ASIC2: variants seen among roughly 807,000 people sequenced by gnomAD.
The protein encoded by ASIC2 is acid-sensing ion channel 2.
A neutral mutation model predicts 57.3 loss-of-function variants in ASIC2; 25 were observed. The observed-to-expected ratio is 0.44, with a 90% CI of 0.32 to 0.61. The LOEUF is 0.61. Ranked by LOEUF, ASIC2 falls within the 20% of genes least tolerant of loss-of-function variation. The pLI, the probability that ASIC2 is intolerant of heterozygous loss-of-function variation, is 0.06. For missense variants in ASIC2, 641 were observed against 738.1 expected (o/e 0.87, Z 1.52); for synonymous variants, 319 against 307.5 (o/e 1.04, Z -0.39).
chr17:34,127,132 C>T (rs927935570), intron 1 of ASIC2, among the ~76,000 whole-genome samples: 4 of 152,186 alleles, frequency 2.6e-5, no homozygotes, highest in African/African-American at 9.7e-5. Flanking sequence ...CTCAAATCAG[C>T]TTCAGTAAGA....
chr17:33,772,801 C>G (rs189959583), intron 1 of ASIC2, among the ~76,000 whole-genome samples: 1 of 152,170 alleles, frequency 6.6e-6, no homozygotes, highest in African/African-American at 2.4e-5. Flanking sequence ...ATCAGTGAGG[C>G]GGAGACTCAA....
At chr17:33,835,536 C>A (rs1054680115) in intron 1 of ASIC2, among the ~76,000 whole-genome samples, 5 of 152,198 alleles carry the variant, frequency 3.3e-5, no homozygotes, top group African/African-American at 1.2e-4. Flanking sequence ...CAATACCACT[C>A]TGACTTGTTC....
intron 1 of ASIC2, among the ~76,000 whole-genome samples, chr17:33,385,650 G>T (rs1019861352): frequency 9.2e-5 from 14 of 152,220 alleles, no homozygotes; most frequent in Non-Finnish European, 2.9e-5. Flanking sequence ...TTACTTTTCT[G>T]ATGAGGCCTG....
At chr17:33,269,630 C>CCTTCCTTCCTTG (rs1904372609) in intron 1 of ASIC2, among the ~76,000 whole-genome samples, 1 of 56,030 alleles carries the variant, frequency 1.8e-5, no homozygotes, top group African/African-American at 6.1e-5. Context: ...TTCCTTCCTT[C>CCTTCCTTCCTTG]CTTCCTTCCT....
intron 7 of ASIC2, 128 bp downstream of exon 7, chr17:33,021,091 A>C (rs1354894491): frequency 1.6e-6 from 1 of 634,128 alleles, no homozygotes; most frequent in African/African-American, 1.9e-5. Flanking sequence ...AGTAATTATT[A>C]GTAAATCAAA....
intron 1 of ASIC2, among the ~76,000 whole-genome samples, chr17:33,863,065 C>T (rs755082639): frequency 3.9e-5 from 6 of 152,242 alleles, no homozygotes; most frequent in Non-Finnish European, 7.3e-5. Flanking sequence ...GCAAGTGGCA[C>T]CTGAACAGCC....
chr17:33,548,860 G>A (rs1196126998), intron 1 of ASIC2, among the ~76,000 whole-genome samples: 2 of 151,794 alleles, frequency 1.3e-5, no homozygotes, highest in African/African-American at 4.8e-5. Flanking sequence ...CTTCATATGG[G>A]ACTTCTTCCC....
chr17:33,529,712 A>T (rs535851202), intron 1 of ASIC2: 76 of 152,356 alleles, frequency 5.0e-4, no homozygotes, highest in African/African-American at 1.3e-3. Context: ...AAAGCATTTA[A>T]CACAGTGCTT....
intron 1 of ASIC2, among the ~76,000 whole-genome samples, chr17:33,863,054 C>T (rs955287323): frequency 5.3e-5 from 8 of 152,362 alleles, no homozygotes; most frequent in East Asian, 3.9e-4. Flanking sequence ...TGTTCAGGAG[C>T]GCAAGTGGCA....
At chr17:33,632,807 CAAT>C (rs1464514857) in intron 1 of ASIC2, among the ~76,000 whole-genome samples, 9 of 152,196 alleles carry the variant, frequency 5.9e-5, no homozygotes, top group African/African-American at 2.2e-4. Context: ...CTTACAACAA[CAAT>C]GCCAGCAATA....
intron 1 of ASIC2, among the ~76,000 whole-genome samples, chr17:33,560,199 C>T (rs1333945740): frequency 6.6e-6 from 1 of 152,226 alleles, no homozygotes. Flanking sequence ...AGGCAATCAT[C>T]AATTTGCTAA....
intron 3 of ASIC2, among the ~76,000 whole-genome samples, chr17:33,055,123 G>C (rs1401426906): frequency 6.6e-6 from 1 of 152,172 alleles, no homozygotes; most frequent in Non-Finnish European, 1.5e-5. Flanking sequence ...GTATCTAATG[G>C]AGTTACATTC....
At chr17:33,575,553 G>T (rs202179768) in intron 1 of ASIC2, among the ~76,000 whole-genome samples, 1 of 152,204 alleles carries the variant, frequency 6.6e-6, no homozygotes, top group Non-Finnish European at 1.5e-5. Context: ...GTGGTGCTTT[G>T]AAGAGTTACT....
At chr17:33,318,851 G>A (rs761177185) in intron 1 of ASIC2, among the ~76,000 whole-genome samples, 2 of 152,170 alleles carry the variant, frequency 1.3e-5, no homozygotes, top group African/African-American at 4.8e-5. Context: ...GGAAAAAGCT[G>A]TTCCTTTTCT....
Position 34,126,511 on chromosome 17 carries a change from G to C in ASIC2, c.555+29467C>G, listed in dbSNP as rs180834547. Among the ~76,000 whole-genome samples the C allele has an allele frequency of 4.0e-3, 607 of 152,294 alleles. 4 individuals are homozygous for C. Among genetic ancestry groups the C allele is most frequent in the African/African-American group, 0.014 (563 of 41,556 alleles). On this transcript the variant is annotated intron_variant, in intron 1 of 9. Coordinates refer to the ASIC2 transcript ENST00000359872. ...TGAACATGCCAAGGACCTCAGTCCT[G>C]TACGGCAACATCAGGGAGAACACTG... is the stretch of plus-strand genomic sequence containing the variant.
At chr17:34,058,235 T>C (rs1452216115) in intron 1 of ASIC2, among the ~76,000 whole-genome samples, 2 of 152,224 alleles carry the variant, frequency 1.3e-5, no homozygotes, top group African/African-American at 4.8e-5. Context: ...AGGCTGCCTA[T>C]GTAAGATGCA....
At chr17:33,317,475 T>C (rs1906702427) in intron 1 of ASIC2, among the ~76,000 whole-genome samples, 1 of 152,226 alleles carries the variant, frequency 6.6e-6, no homozygotes, top group South Asian at 2.1e-4. Flanking sequence ...GTTTTTCACT[T>C]TGTATTTTCA....
chr17:34,093,842 G>A (rs1368997023), intron 1 of ASIC2, among the ~76,000 whole-genome samples: 1 of 152,146 alleles, frequency 6.6e-6, no homozygotes, highest in Non-Finnish European at 1.5e-5. Context: ...CACATAGGAT[G>A]AACCCTAGGG....
intron 3 of ASIC2, among the ~76,000 whole-genome samples, chr17:33,031,074 G>A (rs998731175): frequency 4.6e-5 from 7 of 152,038 alleles, no homozygotes; most frequent in African/African-American, 1.7e-4. Context: ...AATTTGTACG[G>A]ACTTGGTACC....
Sources: allele counts gnomAD v4.1 joint callset (sites outside exome capture counted in the v4.1 genomes callset), GRCh38; gene constraint gnomAD v4.1.1; transcripts MANE v1.5; gene names NCBI Gene and HGNC (gene_info 2026-07-23, HGNC 2026-07-21).